The following NODAL variants were observed in gnomAD, a reference collection of about 807,000 sequenced individuals.
NODAL encodes nodal homolog.
Under a neutral mutation model 34.0 loss-of-function variants are expected in NODAL, and 12 were observed. The observed-to-expected ratio is 0.35, with a 90% confidence interval of 0.23 to 0.57. The LOEUF is 0.57. NODAL is among the 20% of genes least tolerant of loss of function. NODAL has a pLI of 0.83. For synonymous variants in NODAL, 162 were observed against 186.4 expected (o/e 0.87, Z 1.07); for missense variants, 390 against 444.2 (o/e 0.88, Z 1.10).
upstream of NODAL, among the ~76,000 whole-genome samples, chr10:70,443,872 C>G (rs993520024): frequency 1.3e-5 from 2 of 150,498 alleles, no homozygotes; most frequent in Non-Finnish European, 3.0e-5. Flanking sequence ...GTGAATGGCA[C>G]TATGTCTGAA....
rs1270306042 is a variant in NODAL at position 70,434,898 on chromosome 10, A to C, written c.891+388T>G. The C allele has an allele frequency of 1.7e-5, 4 of 229,908 alleles. No individual in the cohort carries two copies. The South Asian group carries it at 2.8e-4, about 16-fold the overall frequency. The allele number at this position is 229,908 out of a possible 1,614,324, so 14.2% of individuals were successfully genotyped here. ...TGAAGCTTGAGAGAATAAGCAACCT[A>C]AACAGTATCACACAGCTAATGAGGA... On this transcript the variant is annotated intron_variant, in intron 2 of 2. Coordinates refer to ENST00000287139, the MANE Select transcript of NODAL (RefSeq NM_018055.5).
chr10:70,436,047 G>T, intron 1 of NODAL, 64 bp from the exon 2 acceptor site: 1 of 1,359,376 alleles, frequency 7.4e-7, no homozygotes, highest in Non-Finnish European at 1.1e-6. Context: ...CTCAGTCAGT[G>T]TCACAACCAC....
At chr10:70,441,726 G>T, upstream of NODAL, 1 of 1,508,930 alleles carries the variant, frequency 6.6e-7, no homozygotes, top group Non-Finnish European at 9.0e-7. Context: ...GGCCTCAGCA[G>T]CCGCCCCGCC....
At chr10:70,444,250 G>A (rs556231514), upstream of NODAL, among the ~76,000 whole-genome samples, 5 of 151,382 alleles carry the variant, frequency 3.3e-5, no homozygotes, top group African/African-American at 7.3e-5. Flanking sequence ...TGATTCTCAA[G>A]TCCAGACCCA....
At chr10:70,441,701 A>C (rs1249619249), upstream of NODAL, 15 of 1,546,388 alleles carry the variant, frequency 9.7e-6, no homozygotes, top group Non-Finnish European at 4.4e-6. Context: ...CAGCACCTCC[A>C]GCCCTTATAT....
At chr10:70,438,098 T>C (rs1160495451) in intron 1 of NODAL, among the ~76,000 whole-genome samples, 2 of 151,968 alleles carry the variant, frequency 1.3e-5, no homozygotes, top group Non-Finnish European at 2.9e-5. Context: ...GAGACCAGCC[T>C]GATCAACATG....
At chr10:70,433,214 T>C in intron 2 of NODAL, 126 bp from the exon 3 acceptor site, 1 of 1,034,938 alleles carries the variant, frequency 9.7e-7, no homozygotes, top group Non-Finnish European at 1.5e-6. Context: ...TAGCAGAAAA[T>C]TATTTTCATA....
At chr10:70,445,346 C>A (rs200948179), upstream of NODAL, among the ~76,000 whole-genome samples, 2 of 152,304 alleles carry the variant, frequency 1.3e-5, no homozygotes, top group East Asian at 1.9e-4. Context: ...CAAACTCCGC[C>A]TCCTGGGTTC....
chr10:70,433,051 G>A lies in NODAL; in HGVS notation c.929C>T (p.Ser310Phe). ...GGTCTTCACTGGGGCACAACAAGTG[G>A]AAGGGACTCGGTGGGGCTGGTAACG... ...LKRYQPHRVPSTCCAPVKTKP... is the reference protein window; with the variant it reads ...LKRYQPHRVPFTCCAPVKTKP... The change falls in exon 3 of 3, where the codon TCC becomes TTC. Residue 310 changes from serine to phenylalanine, a missense_variant. Ser to Phe is a radical substitution (Grantham distance 155). Coordinates refer to ENST00000287139, the MANE Select transcript of NODAL (RefSeq NM_018055.5). 6.2e-7 allele frequency: 1 copy of A among 1,614,128 alleles called. No homozygotes were observed. Among genetic ancestry groups the A allele is most frequent in the Non-Finnish European group, 8.5e-7 (1 of 1,180,044 alleles).
chr10:70,432,868 A>G lies in NODAL; in HGVS notation c.*68T>C. The stretch of plus-strand genomic sequence containing the variant: ...TTTCTCCTTACTGGATTAGATGGTT[A>G]TCATGTCTTCCAGGAGTTTCCCAGC... On this transcript the variant is annotated 3_prime_UTR_variant, in exon 3 of 3. Transcript: ENST00000287139. 1.3e-6 allele frequency: 2 copies of G among 1,578,572 alleles called. No homozygotes were observed. Among genetic ancestry groups the G allele is most frequent in the Non-Finnish European group, 1.7e-6 (2 of 1,148,826 alleles).
chr10:70,434,983 G>T (rs1280716146), intron 2 of NODAL: 8 of 389,810 alleles, frequency 2.1e-5, no homozygotes, highest in Non-Finnish European at 3.8e-5. Flanking sequence ...GAATGTCAGG[G>T]CTAGGGAAGT....
intron 1 of NODAL, chr10:70,436,325 G>A: frequency 2.7e-6 from 1 of 370,488 alleles, no homozygotes; most frequent in South Asian, 2.4e-5. Flanking sequence ...AGGACAGTCA[G>A]TAAAAATGTG....
At chr10:70,443,973 C>T (rs1845461124), upstream of NODAL, among the ~76,000 whole-genome samples, 2 of 149,324 alleles carry the variant, frequency 1.3e-5, no homozygotes, top group South Asian at 4.3e-4. Flanking sequence ...GCTCTTGTCG[C>T]CCAGGCTAGA....
chr10:70,436,290 C>G (rs1469803463), intron 1 of NODAL: 10 of 433,206 alleles, frequency 2.3e-5, no homozygotes, highest in Admixed American at 6.9e-5. Context: ...TCCAGTCCCC[C>G]TTCCAAGATA....
At chr10:70,438,763 AG>A (rs1198853134) in intron 1 of NODAL, among the ~76,000 whole-genome samples, 1 of 152,208 alleles carries the variant, frequency 6.6e-6, no homozygotes, top group African/African-American at 2.4e-5. Context: ...CACTGCTGCC[AG>A]GGTGCCCTGG....
intron 1 of NODAL, among the ~76,000 whole-genome samples, chr10:70,440,815 C>T (rs1232180455): frequency 2.0e-5 from 3 of 152,232 alleles, no homozygotes; most frequent in Non-Finnish European, 2.9e-5. Context: ...AAGGCTGCCA[C>T]AGTTCGCGAC....
rs1353440685 is a variant in NODAL, at chr10:70,431,937, A to G, written c.*999T>C. ...CTCTTCCTATTCAGTCTACAGCTTA[A>G]AGCTCATGGCTCTTCTGAGCCTGAC... is the stretch of plus-strand genomic sequence containing the variant. On this transcript the variant is annotated 3_prime_UTR_variant, in exon 3 of 3. Transcript: ENST00000287139. Among the ~76,000 whole-genome samples, 1 of 152,252 alleles carries G rather than the reference A, an allele frequency of 6.6e-6. No homozygotes were observed. Among genetic ancestry groups the G allele is most frequent in the Non-Finnish European group, 1.5e-5 (1 of 68,048 alleles).
At chr10:70,434,730 A>AT (rs1845320887) in intron 2 of NODAL, 2 of 161,458 alleles carry the variant, frequency 1.2e-5, no homozygotes, top group Non-Finnish European at 2.7e-5. Context: ...GAACAGTGTG[A>AT]TTCCAACCGT....
At chr10:70,433,907 G>A (rs912401546) in intron 2 of NODAL, among the ~76,000 whole-genome samples, 7 of 152,072 alleles carry the variant, frequency 4.6e-5, no homozygotes, top group East Asian at 1.9e-4. Context: ...GTCTAGTAAC[G>A]TCTTTTTAGA....
Sources: gnomAD v4.1 joint callset for allele counts (sites outside exome capture counted in the v4.1 genomes callset) on GRCh38, gnomAD v4.1.1 for gene constraint, MANE v1.5 for transcripts, NCBI Gene and HGNC (gene_info 2026-07-23, HGNC 2026-07-21) for gene names.